Variants in NIPBL observed in about 807,000 individuals in gnomAD.
NIPBL encodes the protein NIPBL cohesin loading factor.
Under a neutral mutation model 321.8 loss-of-function variants are expected in NIPBL, and 19 were observed. The ratio of observed to expected loss-of-function variants is 0.06; its 90% confidence interval spans 0.04 to 0.09. The LOEUF (loss-of-function observed/expected upper bound fraction) is 0.09. Among genes scored for constraint, NIPBL ranks in the 10% least tolerant of loss-of-function variants. The pLI is 1.00. For synonymous variants in NIPBL, 1,106 were observed against 1,114.1 expected (o/e 0.99, Z 0.14); for missense variants, 2,210 against 3,327.0 (o/e 0.66, Z 8.26).
chr5:36,926,302 G>T (rs1187513213), intron 1 of NIPBL, among the ~76,000 whole-genome samples: 2 of 152,156 alleles, frequency 1.3e-5, no homozygotes, highest in Admixed American at 1.3e-4. Context: ...CGATTTTGTG[G>T]GTCAGGAATT....
intron 24 of NIPBL, among the ~76,000 whole-genome samples, chr5:37,018,840 C>T (rs1025831665): frequency 2.0e-5 from 3 of 151,986 alleles, no homozygotes; most frequent in Non-Finnish European, 2.9e-5. Flanking sequence ...AAAATAATGG[C>T]CGGGCGCAGT....
intron 1 of NIPBL, among the ~76,000 whole-genome samples, chr5:36,928,471 G>C (rs771154207): frequency 6.6e-5 from 10 of 152,050 alleles, no homozygotes; most frequent in Non-Finnish European, 1.5e-4. Flanking sequence ...AATTTCTTAA[G>C]GAAAAATATA....
chr5:36,925,943 A>T (rs996573513), intron 1 of NIPBL, among the ~76,000 whole-genome samples: 4 of 152,198 alleles, frequency 2.6e-5, no homozygotes, highest in Admixed American at 2.0e-4. Context: ...TGCTATGCTC[A>T]TTTAGCTAGG....
chr5:36,981,385 A>G (rs996304384), intron 9 of NIPBL, among the ~76,000 whole-genome samples: 4 of 151,640 alleles, frequency 2.6e-5, no homozygotes, highest in Non-Finnish European at 5.9e-5. Flanking sequence ...GGTAGACCCT[A>G]TTGTACCCTT....
rs147110911 is a variant in NIPBL at position 37,064,600 on chromosome 5, T to C, written c.8123T>C (p.Met2708Thr). 2 of 1,614,202 alleles carry C rather than the reference T, an allele frequency of 1.2e-6. No individual in the cohort carries two copies. Among genetic ancestry groups the C allele is most frequent in the East Asian group, 2.2e-5 (1 of 44,884 alleles). ...AAQMNESVDV[M>T]DVIAICCPKY... ...CAGATGAATGAAAGTGTTGACGTCATGGATGTCATCGCTATTTGCTGTCCA... is the reference window on the plus strand; with the variant it reads ...CAGATGAATGAAAGTGTTGACGTCACGGATGTCATCGCTATTTGCTGTCCA... Residue 2708 changes from methionine to threonine, a missense_variant, in exon 47 of 47, where the codon ATG becomes ACG. By Grantham distance (81) the Met-to-Thr change is moderately conservative. Coordinates refer to ENST00000282516, the MANE Select transcript of NIPBL (RefSeq NM_133433.4).
chr5:37,023,660 C>T (rs1243298710), intron 29 of NIPBL, among the ~76,000 whole-genome samples: 1 of 150,058 alleles, frequency 6.7e-6, no homozygotes, highest in Non-Finnish European at 1.5e-5. Flanking sequence ...AATGTTTTTT[C>T]ATTCTTCTTT....
chr5:36,962,674 A>G (rs1238378114), intron 6 of NIPBL, among the ~76,000 whole-genome samples: 1 of 152,220 alleles, frequency 6.6e-6, no homozygotes, highest in East Asian at 1.9e-4. Flanking sequence ...TCATGGATTC[A>G]ACCAAACACG....
At chr5:36,971,889 A>T in intron 7 of NIPBL, 56 bp from the exon 8 acceptor site, 1 of 1,561,674 alleles carries the variant, frequency 6.4e-7, no homozygotes, top group Admixed American at 1.7e-5. Context: ...CTCTTTTAAG[A>T]TTTCTATAAA....
At chr5:36,980,696 A>G (rs1482885276) in intron 9 of NIPBL, among the ~76,000 whole-genome samples, 2 of 151,688 alleles carry the variant, frequency 1.3e-5, no homozygotes, top group South Asian at 2.1e-4. Flanking sequence ...TGAATATACT[A>G]TATGATGTTC....
rs1000308044 is a variant in NIPBL, at chr5:36,995,686, C to A, written c.3186C>A (p.Thr1062=). Residue 1062 remains threonine, a synonymous_variant, in exon 11 of 47, where the codon ACC becomes ACA. Coordinates refer to ENST00000282516, the MANE Select transcript of NIPBL (RefSeq NM_133433.4). Reference sequence around the variant, plus strand: ...AACTCCTGGCAGAAATTGAGTCCACCATGCCACTTTGTGAACGTGTGAAAA... The same window carrying A: ...AACTCCTGGCAGAAATTGAGTCCACAATGCCACTTTGTGAACGTGTGAAAA... The part of the protein sequence containing the change: ...PPELLAEIES[T]MPLCERVKMN... 1.3e-5 allele frequency: 21 copies of A among 1,613,366 alleles called. No homozygotes were observed. The highest frequency in any genetic ancestry group is 1.7e-5 in the Non-Finnish European group (20 of 1,179,704).
intron 32 of NIPBL, among the ~76,000 whole-genome samples, chr5:37,034,529 G>A (rs1751473026): frequency 6.6e-6 from 1 of 152,132 alleles, no homozygotes; most frequent in African/African-American, 2.4e-5. Flanking sequence ...GTGGGGTGTT[G>A]TACAGCAGAG....
chr5:37,001,147 G>T, intron 14 of NIPBL, 69 bp downstream of exon 14: 1 of 1,022,172 alleles, frequency 9.8e-7, no homozygotes, highest in South Asian at 1.3e-5. Context: ...GAGTAACTCA[G>T]TTACTCTAGT....
chr5:37,028,333 C>CTTTTTTTTTTTTT (rs10676635), intron 32 of NIPBL, among the ~76,000 whole-genome samples: 1 of 102,556 alleles, frequency 9.8e-6, no homozygotes, highest in African/African-American at 4.3e-5. Context: ...TTCCATAATA[C>CTTTTTTTTTTTTT]TTTTTTTTTT....
chr5:36,928,686 C>T (rs1343103145), intron 1 of NIPBL, among the ~76,000 whole-genome samples: 1 of 152,138 alleles, frequency 6.6e-6, no homozygotes, highest in East Asian at 1.9e-4. Flanking sequence ...TCCCAACTCC[C>T]ACAGCCCTCT....
intron 1 of NIPBL, among the ~76,000 whole-genome samples, chr5:36,928,770 A>G (rs764326622): frequency 2.6e-5 from 4 of 152,140 alleles, no homozygotes; most frequent in Non-Finnish European, 5.9e-5. Context: ...AAAGAATTAT[A>G]TGTAGTATTT....
intron 1 of NIPBL, among the ~76,000 whole-genome samples, chr5:36,937,893 T>C (rs1010410428): frequency 1.3e-5 from 2 of 152,146 alleles, no homozygotes; most frequent in African/African-American, 4.8e-5. Flanking sequence ...CTTTCCCCTG[T>C]TTATTTTTAG....
At chr5:37,049,072 T>G in intron 39 of NIPBL, 39 bp from the exon 40 acceptor site, 1 of 1,596,114 alleles carries the variant, frequency 6.3e-7, no homozygotes, top group Non-Finnish European at 8.6e-7. Flanking sequence ...TTAGTATAGG[T>G]GCTCTTAATG....
At chr5:36,890,851 G>T (rs1746267956) in intron 1 of NIPBL, among the ~76,000 whole-genome samples, 1 of 152,204 alleles carries the variant, frequency 6.6e-6, no homozygotes, top group South Asian at 2.1e-4. Flanking sequence ...TATTTGAAAT[G>T]TGAAATACCC....
intron 1 of NIPBL, among the ~76,000 whole-genome samples, chr5:36,908,804 A>G (rs1747835880): frequency 6.6e-6 from 1 of 152,210 alleles, no homozygotes; most frequent in South Asian, 2.1e-4. Context: ...TTAAGCAGAG[A>G]CTTTCAGAAG....
Sources: allele counts gnomAD v4.1 joint callset (sites outside exome capture counted in the v4.1 genomes callset), GRCh38; gene constraint gnomAD v4.1.1; transcripts MANE v1.5; gene names NCBI Gene and HGNC (gene_info 2026-07-23, HGNC 2026-07-21).